The following G6PD variants were observed in gnomAD, a reference collection of about 807,000 sequenced individuals.
G6PD encodes glucose-6-phosphate dehydrogenase.
G6PD carries 2 observed loss-of-function variants against 38.2 expected under a neutral mutation model. That is an observed-to-expected ratio of 0.05 (90% CI 0.02 to 0.16). The LOEUF (loss-of-function observed/expected upper bound fraction) is 0.16, where lower values mean the gene tolerates loss of function less well. Among genes scored for constraint, G6PD ranks in the 10% least tolerant of loss-of-function variants. The pLI is 1.00. For missense variants in G6PD, 310 were observed against 471.6 expected (o/e 0.66, Z 3.17); for synonymous variants, 188 against 196.0 (o/e 0.96, Z 0.34).
chrX:154,542,901 A>G (rs1014188045), intron 2 of G6PD, among the ~76,000 whole-genome samples: 3 of 112,082 alleles, frequency 2.7e-5, no homozygotes, highest in Non-Finnish European at 5.6e-5. Context: ...GCAATAGCAC[A>G]TAGGTCCCAT....
intron 2 of G6PD, 27 bp from the exon 3 acceptor site, chrX:154,536,205 T>A (rs1156319315): frequency 8.3e-7 from 1 of 1,202,933 alleles, no homozygotes; most frequent in Non-Finnish European, 1.1e-6. Context: ...AGGTGTGTGG[T>A]TAGAAGTGGC....
rs5030868 is a variant in G6PD, at chrX:154,534,419, G to A, written c.563C>T (p.Ser188Phe). The change falls in exon 6 of 13, where the codon TCC becomes TTC. Residue 188 changes from serine to phenylalanine, a missense_variant. Transcript: ENST00000393562. ...QSSDRLSNHI[S>F]SLFREDQIYR... ...GATCTGGTCCTCACGGAACAGGGAG[G>A]AGATGTGGTTGGACAGCCGGTCAGA... 1,705 of 1,209,752 alleles carry A rather than the reference G, an allele frequency of 1.4e-3. 23 individuals carry two copies. In the Middle Eastern group the frequency reaches 0.042, roughly 30 times the overall value.
At chrX:154,535,117 C>G in intron 5 of G6PD, 51 bp downstream of exon 5, 1 of 1,138,521 alleles carries the variant, frequency 8.8e-7, no homozygotes, top group Non-Finnish European at 1.2e-6. Context: ...GGTGGGAGCA[C>G]TGCCTGGGCC....
In G6PD at chrX:154,535,268, G is replaced by A. The variant is rs2070394247; in HGVS notation, c.385C>T (p.His129Tyr). The stretch of plus-strand genomic sequence containing the variant: ...AGGCGGTTGGCCTGTGACCCCAGGT[G>A]GAGGGCATTCATGTGGCTGTTGAGG... ...QRLNSHMNAL[H>Y]LGSQANRLFY... is the part of the protein sequence containing the mutation. The change falls in exon 5 of 13, where the codon CAC (histidine) becomes TAC (tyrosine). Residue 129 changes from histidine (H) to tyrosine (Y), a missense_variant. By Grantham distance (83) the His-to-Tyr change is moderately conservative. This residue lies in a region of G6PD where 96 missense variants were observed against 93.3 expected (regional missense o/e 1.03). Coordinates refer to ENST00000393562, the MANE Select transcript of G6PD (RefSeq NM_001360016.2). 1.7e-6 allele frequency: 2 copies of A among 1,210,476 alleles called. No individual in the cohort carries two copies. Among genetic ancestry groups the A allele is most frequent in the Non-Finnish European group, 1.1e-6 (1 of 895,161 alleles).
intron 2 of G6PD, chrX:154,542,428 G>A: frequency 8.4e-7 from 1 of 1,186,847 alleles, no homozygotes; most frequent in Non-Finnish European, 1.1e-6. Context: ...TAGTCTACAA[G>A]GCCAGAGCTT....
chrX:154,539,970 C>T (rs1240748326), intron 2 of G6PD, among the ~76,000 whole-genome samples: 1 of 110,156 alleles, frequency 9.1e-6, no homozygotes, highest in African/African-American at 3.3e-5. Context: ...ATCCACCTGC[C>T]GTGGCCTCCC....
At chrX:154,547,017 C>G, upstream of G6PD, 1 of 208,629 alleles carries the variant, frequency 4.8e-6, no homozygotes, top group East Asian at 9.4e-5. Context: ...GCCCCTGCCT[C>G]TCGGGCACCT....
chrX:154,536,269 T>A, intron 2 of G6PD, 91 bp from the exon 3 acceptor site: 1 of 859,056 alleles, frequency 1.2e-6, no homozygotes, highest in Non-Finnish European at 1.7e-6. Context: ...TGGGCACTAC[T>A]CAGGATCACT....
rs782312369 is a variant in G6PD, at chrX:154,538,561, C to T, written c.121-2383G>A. 7.7e-4 allele frequency among the ~76,000 whole-genome samples: 86 copies of T among 111,875 alleles called. 1 individual carries two copies. Among genetic ancestry groups the T allele is most frequent in the Non-Finnish European group, 1.4e-3 (73 of 53,190 alleles). ...TGTAGATCAAGTGTTTCAGAAATCA[C>T]CTATTCACGCTAAAACTCTTAGCAG... is the stretch of plus-strand genomic sequence containing the variant. On this transcript the variant is annotated intron_variant, in intron 2 of 12. Coordinates refer to ENST00000393562, the MANE Select transcript of G6PD (RefSeq NM_001360016.2).
Position 154,531,889 on chromosome X carries a change from C to A in G6PD, c.*111G>T. 9.0e-7 allele frequency: 1 copy of A among 1,109,415 alleles called. No homozygotes were observed. The highest frequency in any genetic ancestry group is 1.2e-6 in the Non-Finnish European group (1 of 835,212). 91.4% of individuals were successfully genotyped at this position (1,109,415 alleles called of 1,213,427 possible). On this transcript the variant is annotated 3_prime_UTR_variant, in exon 13 of 13. Transcript: ENST00000393562. ...GGGGCGGGCCAGGGTGGCCAGAGCC[C>A]GGGGCCAGGAATGTGCAGCTGAGGT... is the stretch of plus-strand genomic sequence containing the variant.
rs782500369 is a variant in G6PD at position 154,533,839 on chromosome X, C to G, written c.771-170G>C. 3 of 1,186,518 alleles carry G rather than the reference C, an allele frequency of 2.5e-6. No homozygotes were observed. In the Admixed American group the frequency reaches 7.2e-5, roughly 29 times the overall value. On this transcript the variant is annotated intron_variant, in intron 7 of 12. Transcript: ENST00000393562. ...TCAAGGAAGGACATGGTGATGCTAT[C>G]ACTGAATCATAAAACCGTGGGGTGC...
chrX:154,546,902 G>A (rs1465126046), upstream of G6PD: 99 of 868,632 alleles, frequency 1.1e-4, no homozygotes, highest in Non-Finnish European at 1.4e-4. Flanking sequence ...GGGCGCCTGG[G>A]CTGAGCGGAC....
At position 154,533,894 on chromosome X, in the gene G6PD, G is replaced by A; in HGVS notation, c.770+141C>T. 6.7e-6 allele frequency: 8 copies of A among 1,200,705 alleles called. No homozygotes were observed. The South Asian group carries it at 8.9e-5, about 13-fold the overall frequency. ...CTGTGTAGGGGTCCAGCCCTTTCCA[G>A]CCCGGTCTGATAGCTCAGACACTTA... On this transcript the variant is annotated intron_variant, in intron 7 of 12. Transcript: ENST00000393562.
chrX:154,546,701 A>C (rs1230463520), intron 1 of G6PD, 88 bp downstream of exon 1: 40 of 786,870 alleles, frequency 5.1e-5, no homozygotes, highest in Non-Finnish European at 7.3e-5. Flanking sequence ...GTTCTCAAGC[A>C]CAACAAACAG....
intron 2 of G6PD, among the ~76,000 whole-genome samples, chrX:154,540,247 G>T (rs1481013425): frequency 9.2e-6 from 1 of 108,971 alleles, no homozygotes; most frequent in Non-Finnish European, 1.9e-5. Context: ...GAGGTGGGTG[G>T]ATCACGAGGT....
At chrX:154,547,274 T>C (rs2070766576), upstream of G6PD, 1 of 718,982 alleles carries the variant, frequency 1.4e-6, no homozygotes, top group Non-Finnish European at 1.6e-6. Flanking sequence ...GGCGGGGCCT[T>C]CTGCCGCGCC....
chrX:154,531,833 T>C lies in G6PD; in HGVS notation c.*167A>G. ...TCTCGAGTGCTTGGCAGCTGAGGAA[T>C]GTAGCTGGGCTCGGGTAGTAGCAGC... is the stretch of plus-strand genomic sequence containing the variant. On this transcript the variant is annotated 3_prime_UTR_variant, in exon 13 of 13. Coordinates refer to ENST00000393562, the MANE Select transcript of G6PD (RefSeq NM_001360016.2). 1.2e-6 allele frequency: 1 copy of C among 857,537 alleles called. No individual in the cohort carries two copies. The allele number at this position is 857,537 out of a possible 1,213,427, so 70.7% of individuals were successfully genotyped here. A position where few individuals can be genotyped will look rare whatever the true frequency, so the allele number is the denominator to read the frequency against.
rs2148328766 is a variant in G6PD, at chrX:154,532,585, G to A, written c.1269C>T (p.Thr423=). The A allele has an allele frequency of 8.2e-7, 1 of 1,212,179 alleles. No homozygotes were observed. Among genetic ancestry groups the A allele is most frequent in the Non-Finnish European group, 1.1e-6 (1 of 895,428 alleles). The change falls in exon 10 of 13, where the codon ACC becomes ACT. Residue 423 remains threonine (T), a synonymous_variant. Transcript: ENST00000393562. ...AGGGCACCTTGTATCTGTTGCCGTA[G>A]GTCAGGTCCAGCTCCGACTCCTCGG... is the stretch of plus-strand genomic sequence containing the variant. ...FNPEESELDL[T]YGNRYKNVKL...
chrX:154,535,137 G>A (rs2070392269), intron 5 of G6PD, 31 bp downstream of exon 5: 1 of 1,183,315 alleles, frequency 8.5e-7, no homozygotes, highest in Non-Finnish European at 1.1e-6. Context: ...CAGCCTGGCA[G>A]GCGGGAAGGG....
Sources: gnomAD v4.1 joint callset for allele counts (sites outside exome capture counted in the v4.1 genomes callset) on GRCh38, gnomAD v4.1.1 for gene constraint, gnomAD v4.1.1 regional missense constraint, MANE v1.5 for transcripts, NCBI Gene and HGNC (gene_info 2026-07-23, HGNC 2026-07-21) for gene names.